The following MTMR3 variants were observed in gnomAD, a reference collection of about 807,000 sequenced individuals.
MTMR3 encodes myotubularin related protein 3.
In MTMR3, 32 loss-of-function variants were observed where a neutral mutation model predicts 132.4. The ratio of observed to expected loss-of-function variants is 0.24; its 90% CI spans 0.18 to 0.32. The LOEUF (loss-of-function observed/expected upper bound fraction) is 0.32. Among genes scored for constraint, MTMR3 ranks in the 10% least tolerant of loss-of-function variants. The pLI, the probability that MTMR3 is intolerant of heterozygous loss-of-function variation, is 1.00. For missense variants in MTMR3, 1,216 were observed against 1,489.6 expected (o/e 0.82, Z 3.02); for synonymous variants, 556 against 550.3 (o/e 1.01, Z -0.14).
intron 19 of MTMR3, 89 bp from the exon 20 acceptor site, chr22:30,025,541 C>T: frequency 1.4e-6 from 2 of 1,399,486 alleles, no homozygotes; most frequent in South Asian, 1.2e-5. Flanking sequence ...ATGCAAATTA[C>T]ACACGGCAAA....
At chr22:30,012,621 A>G in intron 13 of MTMR3, 58 bp downstream of exon 13, 1 of 1,491,214 alleles carries the variant, frequency 6.7e-7, no homozygotes, top group Non-Finnish European at 9.0e-7. Flanking sequence ...GAAACGTCTC[A>G]GGAGTGATAC....
intron 14 of MTMR3, chr22:30,014,898 G>C (rs968843915): frequency 1.3e-5 from 2 of 152,200 alleles, no homozygotes; most frequent in African/African-American, 4.8e-5. Flanking sequence ...ATCCATTCTA[G>C]TGGCTTTAAT....
intron 1 of MTMR3, among the ~76,000 whole-genome samples, chr22:29,929,668 C>T (rs2065600847): frequency 6.6e-6 from 1 of 152,032 alleles, no homozygotes; most frequent in Non-Finnish European, 1.5e-5. Flanking sequence ...TGCCACCATG[C>T]CCGGCTAACT....
chr22:29,966,102 A>G (rs1001229735), intron 2 of MTMR3, among the ~76,000 whole-genome samples: 10 of 152,216 alleles, frequency 6.6e-5, no homozygotes, highest in Admixed American at 1.3e-4. Flanking sequence ...GGTCTTCAAA[A>G]GTTACCAACT....
At chr22:30,023,467 C>T (rs2067820123) in intron 19 of MTMR3, 4 of 1,614,182 alleles carry the variant, frequency 2.5e-6, no homozygotes, top group Non-Finnish European at 3.4e-6. Context: ...GGACACTGAC[C>T]GTGTTGATCA....
intron 1 of MTMR3, among the ~76,000 whole-genome samples, chr22:29,933,677 T>C (rs2065689131): frequency 1.3e-5 from 2 of 149,504 alleles, no homozygotes; most frequent in Admixed American, 6.6e-5. Flanking sequence ...TCATCAATGA[T>C]AGTCTTGTTC....
intron 19 of MTMR3, chr22:30,023,071 T>C (rs1429064682): frequency 1.0e-5 from 4 of 390,182 alleles, no homozygotes; most frequent in Admixed American, 8.3e-5. Context: ...TTCCTATTCC[T>C]TTCCTGCTCC....
intron 2 of MTMR3, among the ~76,000 whole-genome samples, chr22:29,968,122 A>T (rs1490206959): frequency 6.6e-6 from 1 of 152,136 alleles, no homozygotes; most frequent in Non-Finnish European, 1.5e-5. Context: ...AGTGGAACTG[A>T]TGGGACATAT....
intron 2 of MTMR3, among the ~76,000 whole-genome samples, chr22:29,967,195 G>T (rs1356454412): frequency 6.3e-5 from 1 of 15,982 alleles, no homozygotes; most frequent in Non-Finnish European, 1.7e-4. Flanking sequence ...CACCTCTGTT[G>T]TGTGTGTGTG....
intron 1 of MTMR3, among the ~76,000 whole-genome samples, chr22:29,927,765 A>G (rs747184960): frequency 2.0e-5 from 3 of 152,074 alleles, no homozygotes; most frequent in Non-Finnish European, 2.9e-5. Flanking sequence ...AGGAAAATGT[A>G]TTATATTAGT....
In MTMR3 at chr22:29,965,863, C is replaced by CT. The variant is rs1247606417; in HGVS notation, c.-84-5113_-84-5112insT. Among the ~76,000 whole-genome samples the CT allele has an allele frequency of 4.5e-3, 680 of 152,164 alleles. 6 individuals are homozygous for CT. The highest frequency in any genetic ancestry group is 0.015 in the African/African-American group (642 of 41,508). On this transcript the variant is annotated intron_variant, in intron 2 of 19. Coordinates refer to ENST00000401950, the MANE Select transcript of MTMR3 (RefSeq NM_021090.4). ...TCCGGGATGCTTGTGAGAGTTTTTT[C>CT]AGATTTCTCTGAAAAAAATCTGAAA...
intron 11 of MTMR3, 71 bp from the exon 12 acceptor site, chr22:30,008,947 T>A: frequency 9.7e-7 from 1 of 1,027,450 alleles, no homozygotes; most frequent in Non-Finnish European, 1.5e-6. Flanking sequence ...ATAGCCAGTT[T>A]GCTTTTAAAT....
At position 30,026,102 on chromosome 22, in the gene MTMR3, G is replaced by A. The variant is rs1225299840; in HGVS notation, c.*301G>A. On this transcript the variant is annotated 3_prime_UTR_variant, in exon 20 of 20. Transcript: ENST00000401950. ...GGTTGCCAGGCCCACTGTAACTGCC[G>A]AGCTGCCTGCTGTCACGTGACACTG... is the stretch of plus-strand genomic sequence containing the variant. 6 of 307,962 alleles carry A rather than the reference G, an allele frequency of 1.9e-5. No individual in the cohort carries two copies. The highest frequency in any genetic ancestry group is 3.6e-5 in the Non-Finnish European group (6 of 165,052). The allele number at this position is 307,962 out of a possible 1,614,324, so 19.1% of individuals were successfully genotyped here.
At position 30,029,093 on chromosome 22, in the gene MTMR3, T is replaced by G. The variant is rs2067966983; in HGVS notation, c.*3292T>G. The G allele has an allele frequency of 1.3e-5, 2 of 152,218 alleles. No individual in the cohort carries two copies. Among genetic ancestry groups the G allele is most frequent in the African/African-American group, 2.4e-5 (1 of 41,388 alleles). The allele number at this position is 152,218 out of a possible 1,614,324, so 9.4% of individuals were successfully genotyped here. ...GCTGGTGAAGCAGGTGCAGTGAGGA[T>G]CCAAGGCAAGGAATTGCCCTGAGGG... On this transcript the variant is annotated 3_prime_UTR_variant, in exon 20 of 20. Coordinates refer to ENST00000401950, the MANE Select transcript of MTMR3 (RefSeq NM_021090.4).
Position 30,018,007 on chromosome 22 carries a change from T to G in MTMR3, c.1755T>G (p.Pro585=). The change falls in exon 16 of 20, where the codon CCT becomes CCG. Residue 585 remains proline (P), a synonymous_variant. Transcript: ENST00000401950. ...TGCCCTGCCCATCCCCAACCACCCC[T>G]GTGGACGACAGCTGTGCACCATACC... ...VYLPCPSPTT[P]VDDSCAPYPA... is the part of the protein sequence containing the mutation. 1 of 1,613,872 alleles carries G rather than the reference T, an allele frequency of 6.2e-7. No homozygotes were observed. The highest frequency in any genetic ancestry group is 8.5e-7 in the Non-Finnish European group (1 of 1,179,950).
chr22:29,961,358 A>G (rs1005592446), intron 2 of MTMR3, among the ~76,000 whole-genome samples: 1 of 152,142 alleles, frequency 6.6e-6, no homozygotes, highest in African/African-American at 2.4e-5. Context: ...TTAAGTTATG[A>G]TACATTGGGG....
At chr22:29,993,883 A>G (rs1178434200) in intron 7 of MTMR3, 1 of 152,528 alleles carries the variant, frequency 6.6e-6, no homozygotes, top group Non-Finnish European at 1.5e-5. Context: ...TTGTGATGCA[A>G]GGGCATGTGA....
At position 30,019,855 on chromosome 22, in the gene MTMR3, T is replaced by C; in HGVS notation, c.2196T>C (p.Pro732=). 1 of 1,614,190 alleles carries C rather than the reference T, an allele frequency of 6.2e-7. No individual in the cohort carries two copies. ...AAAAGGAGAGCAGGAGGAAGACACC[T>C]GAGGCCTCAGCCATTGGACTTCACC... ...LLEKESRRKT[P]EASAIGLHQD... The change falls in exon 17 of 20, where the codon CCT becomes CCC. Residue 732 remains proline (P), a synonymous_variant. Coordinates refer to ENST00000401950, the MANE Select transcript of MTMR3 (RefSeq NM_021090.4).
At chr22:29,930,290 A>C (rs998019600) in intron 1 of MTMR3, among the ~76,000 whole-genome samples, 7 of 152,214 alleles carry the variant, frequency 4.6e-5, no homozygotes, top group African/African-American at 7.2e-5. Context: ...TCTACTGCTC[A>C]GTGAACCACT....
Sources: gnomAD v4.1 joint callset for allele counts (sites outside exome capture counted in the v4.1 genomes callset) on GRCh38, gnomAD v4.1.1 for gene constraint, MANE v1.5 for transcripts, NCBI Gene and HGNC (gene_info 2026-07-23, HGNC 2026-07-21) for gene names.